RIT2: variants seen among roughly 807,000 people sequenced by gnomAD.
The protein encoded by RIT2 is Ras like without CAAX 2.
RIT2 carries 24 observed loss-of-function variants against 23.7 expected under a neutral mutation model. The observed-to-expected ratio is 1.01, with a 90% confidence interval of 0.73 to 1.43. The LOEUF (loss-of-function observed/expected upper bound fraction) is 1.43, where lower values mean the gene tolerates loss of function less well. Ranked by LOEUF, RIT2 falls within the 40% of genes most tolerant of loss-of-function variation. The pLI, the probability that RIT2 is intolerant of heterozygous loss-of-function variation, is 0.00. For missense variants in RIT2, 236 were observed against 266.9 expected (o/e 0.88, Z 0.81); for synonymous variants, 107 against 91.1 (o/e 1.17, Z -0.99).
intron 4 of RIT2, among the ~76,000 whole-genome samples, chr18:42,918,188 C>T (rs751870528): frequency 2.0e-5 from 3 of 152,046 alleles, no homozygotes; most frequent in Admixed American, 1.3e-4. Context: ...TGAAAGAGTG[C>T]TTGTTACCCA....
At chr18:42,979,446 A>G (rs1389725035) in intron 2 of RIT2, among the ~76,000 whole-genome samples, 1 of 152,124 alleles carries the variant, frequency 6.6e-6, no homozygotes, top group East Asian at 1.9e-4. Context: ...TTTTTCTATA[A>G]CTCCAAGCTA....
chr18:42,824,274 AT>A (rs1396123106), intron 4 of RIT2, among the ~76,000 whole-genome samples: 1 of 152,100 alleles, frequency 6.6e-6, no homozygotes, highest in East Asian at 1.9e-4. Context: ...CACATTTACA[AT>A]TTAAAAGCCA....
At chr18:42,762,169 T>C (rs1355100494) in intron 4 of RIT2, among the ~76,000 whole-genome samples, 2 of 152,228 alleles carry the variant, frequency 1.3e-5, no homozygotes, top group Admixed American at 6.5e-5. Context: ...GCCTGGCCTT[T>C]ATAAACAGAT....
chr18:43,033,913 C>A (rs754909307), intron 1 of RIT2, 46 bp from the exon 2 acceptor site: 1 of 1,318,080 alleles, frequency 7.6e-7, no homozygotes, highest in African/African-American at 1.4e-5. Flanking sequence ...TTCACTAATT[C>A]ATCAATAAGT....
chr18:43,062,048 C>A (rs1390525755), intron 1 of RIT2, among the ~76,000 whole-genome samples: 2 of 152,028 alleles, frequency 1.3e-5, no homozygotes, highest in East Asian at 3.9e-4. Context: ...CATGGGATGC[C>A]ACTCCCTCCC....
At chr18:42,902,780 C>A (rs897232971) in intron 4 of RIT2, among the ~76,000 whole-genome samples, 2 of 151,252 alleles carry the variant, frequency 1.3e-5, no homozygotes, top group African/African-American at 2.4e-5. Context: ...GAATTGTTAA[C>A]TAATGACAGA....
intron 3 of RIT2, among the ~76,000 whole-genome samples, chr18:42,966,646 C>G (rs1278695356): frequency 2.0e-5 from 3 of 151,950 alleles, no homozygotes; most frequent in African/African-American, 7.3e-5. Context: ...ATTTCTTTCT[C>G]CAGTTTTGAG....
At chr18:42,961,331 T>C (rs774575710) in intron 3 of RIT2, among the ~76,000 whole-genome samples, 4 of 152,174 alleles carry the variant, frequency 2.6e-5, no homozygotes, top group Non-Finnish European at 5.9e-5. Context: ...ACTCCAGAAG[T>C]AGAGTTTTGA....
chr18:42,757,870 C>T (rs1248626278), intron 4 of RIT2, among the ~76,000 whole-genome samples: 5 of 152,146 alleles, frequency 3.3e-5, no homozygotes, highest in Admixed American at 3.3e-4. Context: ...AGAATGATTT[C>T]AACATCCTGG....
chr18:43,041,779 A>G (rs1248589381), intron 1 of RIT2, among the ~76,000 whole-genome samples: 2 of 152,148 alleles, frequency 1.3e-5, no homozygotes, highest in African/African-American at 4.8e-5. Flanking sequence ...TACTTTGCAT[A>G]ATTCAGTATT....
intron 1 of RIT2, among the ~76,000 whole-genome samples, chr18:43,074,596 T>G (rs1426433714): frequency 6.6e-6 from 1 of 152,280 alleles, no homozygotes; most frequent in South Asian, 2.1e-4. Flanking sequence ...TACATGTACA[T>G]ATATGTTCAT....
At chr18:43,039,536 CAG>C (rs1912078418) in intron 1 of RIT2, among the ~76,000 whole-genome samples, 1 of 151,864 alleles carries the variant, frequency 6.6e-6, no homozygotes, top group Non-Finnish European at 1.5e-5. Context: ...TTAATAGAGA[CAG>C]GGTTTCTCCG....
intron 1 of RIT2, among the ~76,000 whole-genome samples, chr18:43,086,292 T>C (rs1178158602): frequency 1.3e-5 from 2 of 152,116 alleles, no homozygotes; most frequent in Non-Finnish European, 2.9e-5. Flanking sequence ...ACATTACAAC[T>C]GATACAACAG....
intron 4 of RIT2, among the ~76,000 whole-genome samples, chr18:42,779,830 A>T (rs1913764094): frequency 6.6e-6 from 1 of 151,942 alleles, no homozygotes; most frequent in African/African-American, 2.4e-5. Flanking sequence ...TCAAAGAGCA[A>T]CTCTGACTTT....
intron 2 of RIT2, among the ~76,000 whole-genome samples, chr18:43,015,852 C>T (rs1429079570): frequency 6.6e-6 from 1 of 151,726 alleles, no homozygotes. Flanking sequence ...CATTGACTGG[C>T]TATCATGCAC....
At chr18:42,953,540 A>G (rs1417674680) in intron 3 of RIT2, among the ~76,000 whole-genome samples, 1 of 152,010 alleles carries the variant, frequency 6.6e-6, no homozygotes, top group African/African-American at 2.4e-5. Flanking sequence ...TGACCTACCG[A>G]CTCTGGCCTA....
In RIT2 at chr18:42,815,579, A is replaced by G. The variant is rs565322561; in HGVS notation, c.427-71859T>C. On this transcript the variant is annotated intron_variant, in intron 4 of 4. Transcript: ENST00000326695. ...ATAACTGAGGAACATGTTGCTATCT[A>G]TATACAGTATGTATGCAGAATTGAG... Among the ~76,000 whole-genome samples, 3 of 152,354 alleles carry G rather than the reference A, an allele frequency of 2.0e-5. No individual in the cohort carries two copies. In the South Asian group the frequency reaches 6.2e-4, roughly 32 times the overall value.
chr18:43,053,785 G>A (rs758237864), intron 1 of RIT2, among the ~76,000 whole-genome samples: 4 of 152,088 alleles, frequency 2.6e-5, no homozygotes, highest in Non-Finnish European at 5.9e-5. Flanking sequence ...CATAGTAAAT[G>A]ATGGAGCATT....
At chr18:43,007,411 A>G (rs1013352713) in intron 2 of RIT2, among the ~76,000 whole-genome samples, 1 of 151,732 alleles carries the variant, frequency 6.6e-6, no homozygotes, top group Non-Finnish European at 1.5e-5. Context: ...CTTGAGAAGT[A>G]ATGAGCACCG....
Sources: gnomAD v4.1 joint callset for allele counts (sites outside exome capture counted in the v4.1 genomes callset) on GRCh38, gnomAD v4.1.1 for gene constraint, MANE v1.5 for transcripts, NCBI Gene and HGNC (gene_info 2026-07-23, HGNC 2026-07-21) for gene names.